The following PIWIL3 variants were observed in gnomAD, a reference collection of about 807,000 sequenced individuals.
PIWIL3 encodes piwi-like protein 3.
Under a neutral mutation model 109.7 loss-of-function variants are expected in PIWIL3, and 101 were observed. That is an observed-to-expected ratio of 0.92 (90% CI 0.78 to 1.09). PIWIL3 has a LOEUF of 1.09. Ranked by LOEUF, PIWIL3 falls within the 50% of genes least tolerant of loss-of-function variation. The pLI, the probability that PIWIL3 is intolerant of heterozygous loss-of-function variation, is 0.00. For missense variants in PIWIL3, 1,031 were observed against 1,072.6 expected (o/e 0.96, Z 0.54); for synonymous variants, 373 against 376.4 (o/e 0.99, Z 0.10).
rs576935120 is a variant in PIWIL3, at chr22:24,756,267, G to A, written c.570+224C>T. The stretch of plus-strand genomic sequence containing the variant: ...GTATCCAAACTTTGTCAGCATTTTT[G>A]AGCCACATTGTATTATTAAATTTCA... On this transcript the variant is annotated intron_variant, in intron 5 of 20. Coordinates refer to ENST00000616349, the MANE Select transcript of PIWIL3 (RefSeq NM_001255975.1). Among the ~76,000 whole-genome samples the A allele has an allele frequency of 3.9e-5, 6 of 152,024 alleles. No individual in the cohort carries two copies. The South Asian group carries it at 1.2e-3, about 32-fold the overall frequency.
intron 12 of PIWIL3, among the ~76,000 whole-genome samples, chr22:24,744,415 C>CA (rs900716918): frequency 2.0e-5 from 3 of 151,026 alleles, no homozygotes; most frequent in African/African-American, 4.9e-5. Context: ...ACTAAAAATA[C>CA]AAAAAAAATT....
At chr22:24,770,660 TA>T (rs57209194) in intron 1 of PIWIL3, among the ~76,000 whole-genome samples, 47 of 77,604 alleles carry the variant, frequency 6.1e-4, no homozygotes, top group East Asian at 8.9e-4. Context: ...CCGTCTCTAC[TA>T]AAAAAAAAAA....
intron 8 of PIWIL3, among the ~76,000 whole-genome samples, chr22:24,752,521 A>G (rs1053938151): frequency 2.0e-5 from 3 of 152,126 alleles, no homozygotes; most frequent in Non-Finnish European, 4.4e-5. Flanking sequence ...AAGCCCCTCT[A>G]TAAAACCAAC....
chr22:24,764,493 C>T (rs1925666983), intron 1 of PIWIL3, among the ~76,000 whole-genome samples: 1 of 152,204 alleles, frequency 6.6e-6, no homozygotes, highest in Non-Finnish European at 1.5e-5. Context: ...GCACTGATCT[C>T]TAGAGGTGGA....
chr22:24,751,821 A>G (rs1157087692), intron 8 of PIWIL3, among the ~76,000 whole-genome samples: 1 of 152,090 alleles, frequency 6.6e-6, no homozygotes, highest in African/African-American at 2.4e-5. Context: ...TTTCACGTAA[A>G]CTGAGTCATG....
rs996165874 is a variant in PIWIL3 at position 24,723,043 on chromosome 22, TAA to T, written c.2357+85_2357+86del. 65 of 1,435,080 alleles carry T rather than the reference TAA, an allele frequency of 4.5e-5. No homozygotes were observed. The Middle Eastern group carries it at 5.4e-4, about 12-fold the overall frequency. The allele number at this position is 1,435,080 out of a possible 1,614,324, so 88.9% of individuals were successfully genotyped here. ...CTAAAGAATCAGCAGTGCTTTAAGG[TAA>T]AGTTATTGGAATTAAGTGATTGTGC... is the stretch of plus-strand genomic sequence containing the variant. On this transcript the variant is annotated intron_variant, in intron 19 of 20. Transcript: ENST00000616349.
intron 18 of PIWIL3, 59 bp from the exon 19 acceptor site, chr22:24,723,314 A>G (rs1473468226): frequency 6.5e-7 from 1 of 1,531,036 alleles, no homozygotes; most frequent in Non-Finnish European, 8.9e-7. Context: ...AGAAGTACAC[A>G]GTGTATTGAA....
At chr22:24,765,701 A>G (rs1021278052) in intron 1 of PIWIL3, among the ~76,000 whole-genome samples, 2 of 151,870 alleles carry the variant, frequency 1.3e-5, no homozygotes, top group Admixed American at 1.3e-4. Flanking sequence ...TTTTCTTTTT[A>G]ACCCTAATCT....
At chr22:24,766,202 G>A (rs1272651838) in intron 1 of PIWIL3, among the ~76,000 whole-genome samples, 1 of 152,006 alleles carries the variant, frequency 6.6e-6, no homozygotes, top group Non-Finnish European at 1.5e-5. Flanking sequence ...GCCTGGGCTG[G>A]TCTTGAGCTC....
intron 1 of PIWIL3, among the ~76,000 whole-genome samples, chr22:24,773,031 C>T (rs184779455): frequency 5.0e-4 from 76 of 152,270 alleles, no homozygotes; most frequent in Middle Eastern, 3.4e-3. Context: ...TGTCTGTGTC[C>T]AGCTGAGGGC....
At chr22:24,764,459 GA>G (rs1195453721) in intron 1 of PIWIL3, among the ~76,000 whole-genome samples, 1 of 152,180 alleles carries the variant, frequency 6.6e-6, no homozygotes, top group African/African-American at 2.4e-5. Flanking sequence ...TTCAAACCTA[GA>G]AGCACCCTTA....
intron 2 of PIWIL3, among the ~76,000 whole-genome samples, chr22:24,761,540 G>A (rs1309046704): frequency 6.6e-6 from 1 of 152,198 alleles, no homozygotes; most frequent in African/African-American, 2.4e-5. Context: ...AATGATTTAG[G>A]AGAACACACA....
intron 18 of PIWIL3, among the ~76,000 whole-genome samples, chr22:24,724,436 ATTTT>A (rs111263336): frequency 7.4e-6 from 1 of 135,174 alleles, no homozygotes. Flanking sequence ...TAATTTTTTC[ATTTT>A]TTTTTTTTTT....
At chr22:24,754,754 A>G (rs1601844542) in intron 7 of PIWIL3, 30 bp downstream of exon 7, 3 of 1,510,878 alleles carry the variant, frequency 2.0e-6, no homozygotes, top group African/African-American at 1.4e-5. Context: ...TTAAGTCTGC[A>G]GAGTGTGAAA....
Position 24,757,926 on chromosome 22 carries a change from C to T in PIWIL3, c.337G>A (p.Val113Ile). ...AACATACCTGTTTTTGAGTCTTTAA[C>T]ATGCTTCATATCTTGCCTGGTGTTC... ...VVNTRQDMKH[V>I]KDSKTGSEGT... The change falls in exon 4 of 21, where the codon GTT becomes ATT. Residue 113 changes from valine (V) to isoleucine (I), a missense_variant. Transcript: ENST00000616349. 6.2e-7 allele frequency: 1 copy of T among 1,609,618 alleles called. No homozygotes were observed. Among genetic ancestry groups the T allele is most frequent in the Admixed American group, 1.7e-5 (1 of 59,082 alleles).
In PIWIL3 at chr22:24,723,261, A is replaced by C. The variant is rs1922782835; in HGVS notation, c.2232-6T>G. 1 of 1,607,308 alleles carries C rather than the reference A, an allele frequency of 6.2e-7. No individual in the cohort carries two copies. ...CAATGAAAGCTAGAGTGAAACTTAA[A>C]AAAATTAGGGTAAGTGTCACTATGT... On this transcript the variant is annotated splice_polypyrimidine_tract_variant and splice_region_variant and intron_variant, in intron 18 of 20. Coordinates refer to ENST00000616349, the MANE Select transcript of PIWIL3 (RefSeq NM_001255975.1).
chr22:24,758,161 A>ACTCCCTCCTCAGGGAC, intron 3 of PIWIL3, 122 bp from the exon 4 acceptor site: 1 of 1,171,438 alleles, frequency 8.5e-7, no homozygotes, highest in Non-Finnish European at 1.2e-6. Flanking sequence ...TCCAAAACAC[A>ACTCCCTCCTCAGGGAC]TTTCCGTGAT....
At chr22:24,739,183 A>C (rs1469236411) in intron 12 of PIWIL3, among the ~76,000 whole-genome samples, 1 of 152,124 alleles carries the variant, frequency 6.6e-6, no homozygotes, top group East Asian at 1.9e-4. Flanking sequence ...GACAAAAGAA[A>C]ACACAGAAGC....
chr22:24,754,313 A>G (rs1924886410), intron 7 of PIWIL3, 96 bp from the exon 8 acceptor site: 8 of 949,332 alleles, frequency 8.4e-6, no homozygotes, highest in Non-Finnish European at 1.1e-5. Flanking sequence ...GGTACTTAGG[A>G]GTCAGTTTTA....
Sources: gnomAD v4.1 joint callset for allele counts (sites outside exome capture counted in the v4.1 genomes callset) on GRCh38, gnomAD v4.1.1 for gene constraint, MANE v1.5 for transcripts, NCBI Gene and HGNC (gene_info 2026-07-23, HGNC 2026-07-21) for gene names.